The following DPY19L4 variants were observed in gnomAD, a reference collection of about 807,000 sequenced individuals.
The protein encoded by DPY19L4 is probable C-mannosyltransferase DPY19L4.
DPY19L4 carries 97 observed loss-of-function variants against 102.8 expected under a neutral mutation model. That is an observed-to-expected ratio of 0.94 (90% CI 0.80 to 1.12). The LOEUF (loss-of-function observed/expected upper bound fraction) is 1.12, where lower values mean the gene tolerates loss of function less well. Among genes scored for constraint, DPY19L4 ranks in the 50% most tolerant of loss-of-function variants. DPY19L4 has a pLI of 0.00. For missense variants in DPY19L4, 815 were observed against 850.4 expected (o/e 0.96, Z 0.52); for synonymous variants, 252 against 283.1 (o/e 0.89, Z 1.10).
At chr8:94,755,967 A>G (rs1812145770) in intron 6 of DPY19L4, 69 bp from the exon 7 acceptor site, 2 of 1,466,778 alleles carry the variant, frequency 1.4e-6, no homozygotes, top group East Asian at 4.7e-5. Flanking sequence ...GTGTTAAAGT[A>G]CTTTGAAAAG....
intron 3 of DPY19L4, 45 bp from the exon 4 acceptor site, chr8:94,738,318 CAAAAAA>C: frequency 2.3e-6 from 2 of 855,590 alleles, no homozygotes; most frequent in African/African-American, 2.2e-5. Context: ...GACTCTGTCT[CAAAAAA>C]AAAAAAAAAA....
At chr8:94,776,963 CA>C (rs60781801) in intron 13 of DPY19L4, among the ~76,000 whole-genome samples, 1,653 of 94,478 alleles carry the variant, frequency 0.017, 21 homozygotes, top group African/African-American at 0.05. Context: ...GACTCCGCTT[CA>C]AAAAAAAAAA....
intron 1 of DPY19L4, 21 bp downstream of exon 1, chr8:94,720,035 C>G (rs1487637234): frequency 2.0e-6 from 3 of 1,524,058 alleles, no homozygotes; most frequent in Non-Finnish European, 2.6e-6. Flanking sequence ...CGGGGTCCAG[C>G]GCGCCAACGG....
At chr8:94,779,376 G>T (rs556837965) in intron 14 of DPY19L4, among the ~76,000 whole-genome samples, 61 of 150,924 alleles carry the variant, frequency 4.0e-4, no homozygotes, top group Admixed American at 2.0e-3. Flanking sequence ...AGGCTGGAGT[G>T]CAGTGGCACA....
chr8:94,728,143 G>A (rs957581449), intron 2 of DPY19L4, among the ~76,000 whole-genome samples: 2 of 152,104 alleles, frequency 1.3e-5, no homozygotes, highest in African/African-American at 4.8e-5. Flanking sequence ...TGTATTTTTA[G>A]TAGAAACGGG....
At chr8:94,735,065 G>A (rs1266274414) in intron 3 of DPY19L4, among the ~76,000 whole-genome samples, 1 of 152,112 alleles carries the variant, frequency 6.6e-6, no homozygotes, top group East Asian at 1.9e-4. Context: ...AACAATCTGT[G>A]GAAGTTTTAG....
chr8:94,784,812 CTTAT>C (rs1235968130), intron 17 of DPY19L4, among the ~76,000 whole-genome samples: 1 of 152,132 alleles, frequency 6.6e-6, no homozygotes, highest in African/African-American at 2.4e-5. Context: ...TCTATTATTG[CTTAT>C]AAAACACTAA....
chr8:94,781,426 G>T (rs764854630), intron 16 of DPY19L4, among the ~76,000 whole-genome samples: 32 of 152,280 alleles, frequency 2.1e-4, no homozygotes, highest in Non-Finnish European at 3.7e-4. Context: ...GGATAAAAAA[G>T]AAGAGATATC....
intron 2 of DPY19L4, among the ~76,000 whole-genome samples, chr8:94,729,792 C>CT (rs1373341954): frequency 1.3e-5 from 2 of 151,832 alleles, no homozygotes; most frequent in African/African-American, 4.8e-5. Flanking sequence ...GATCACGCCA[C>CT]TGCACTCCAG....
intron 6 of DPY19L4, among the ~76,000 whole-genome samples, chr8:94,752,443 G>A (rs1053332702): frequency 6.0e-5 from 9 of 151,252 alleles, no homozygotes; most frequent in Admixed American, 4.0e-4. Context: ...AAAATTATCC[G>A]GACATGGTGG....
At position 94,790,432 on chromosome 8, in the gene DPY19L4, A is replaced by AT. The variant is rs1813844010; in HGVS notation, c.*523dup. 6.6e-6 allele frequency: 1 copy of AT among 152,584 alleles called. No individual in the cohort carries two copies. The highest frequency in any genetic ancestry group is 1.5e-5 in the Non-Finnish European group (1 of 67,976). The allele number at this position is 152,584 out of a possible 1,614,324, so 9.5% of individuals were successfully genotyped here. A position where few individuals can be genotyped will look rare whatever the true frequency, so the allele number is the denominator to read the frequency against. ...TGGCATTTAAATTAAAATGGAAATT[A>AT]TATAAAGGAAAGTGATTTTTAAGGA... On this transcript the variant is annotated 3_prime_UTR_variant, in exon 19 of 19. Transcript: ENST00000414645.
intron 13 of DPY19L4, among the ~76,000 whole-genome samples, chr8:94,776,614 G>T (rs13271653): frequency 0.12 from 17,198 of 139,392 alleles, 1,134 homozygotes; most frequent in Non-Finnish European, 0.15. Context: ...AGTTTTTTTT[G>T]TTGTTGTTGT....
intron 8 of DPY19L4, 102 bp from the exon 9 acceptor site, chr8:94,765,081 G>C (rs940185878): frequency 3.6e-6 from 3 of 841,450 alleles, no homozygotes; most frequent in Non-Finnish European, 5.3e-6. Context: ...AATTATAGTA[G>C]AGCATTAACT....
intron 6 of DPY19L4, among the ~76,000 whole-genome samples, chr8:94,752,750 CG>C (rs1032888777): frequency 5.3e-5 from 8 of 150,644 alleles, no homozygotes; most frequent in African/African-American, 1.7e-4. Flanking sequence ...CTGCAAGCTC[CG>C]CCACCCCGGT....
intron 17 of DPY19L4, among the ~76,000 whole-genome samples, chr8:94,786,830 G>C (rs1813675518): frequency 6.6e-6 from 1 of 152,210 alleles, no homozygotes; most frequent in African/African-American, 2.4e-5. Context: ...TTACAGGCGT[G>C]AGACACTGCG....
chr8:94,739,455 A>G lies in DPY19L4; in HGVS notation c.386A>G (p.Lys129Arg). The change falls in exon 5 of 19, where the codon AAG (lysine) becomes AGG (arginine). Residue 129 changes from lysine to arginine, a missense_variant. Physicochemically the swap from Lys to Arg is conservative, Grantham distance 26. Transcript: ENST00000414645. ...LTHNNKTVSL[K>R]TINAVQQMSL... is the part of the protein sequence containing the mutation. ...CACAATAACAAAACTGTATCTCTGA[A>G]GACTATAAATGCAGTGCAGCAAATG... The G allele has an allele frequency of 4.4e-6, 7 of 1,600,732 alleles. No homozygotes were observed. Among genetic ancestry groups the G allele is most frequent in the Non-Finnish European group, 6.0e-6 (7 of 1,176,452 alleles).
At chr8:94,742,428 T>C (rs1272582648) in intron 6 of DPY19L4, among the ~76,000 whole-genome samples, 1 of 152,156 alleles carries the variant, frequency 6.6e-6, no homozygotes, top group Non-Finnish European at 1.5e-5. Flanking sequence ...AGTCTTACTC[T>C]GTTGCTTAGG....
At chr8:94,786,956 G>A (rs1220444307) in intron 17 of DPY19L4, among the ~76,000 whole-genome samples, 1 of 152,098 alleles carries the variant, frequency 6.6e-6, no homozygotes, top group African/African-American at 2.4e-5. Flanking sequence ...TTCCCCGAGG[G>A]GACATTTGGC....
Position 94,789,965 on chromosome 8 carries a change from C to G in DPY19L4, c.*55C>G. The G allele has an allele frequency of 6.5e-7, 1 of 1,536,652 alleles. No homozygotes were observed. The highest frequency in any genetic ancestry group is 8.8e-7 in the Non-Finnish European group (1 of 1,135,828). On this transcript the variant is annotated 3_prime_UTR_variant, in exon 19 of 19. Coordinates refer to ENST00000414645, the MANE Select transcript of DPY19L4 (RefSeq NM_181787.3). ...ACCTGAAGTAAAATGCAGTTTTCTT[C>G]TACCTACTCGGTGTCTTTTGCAGAT...
Sources: gnomAD v4.1 joint callset for allele counts (sites outside exome capture counted in the v4.1 genomes callset) on GRCh38, gnomAD v4.1.1 for gene constraint, MANE v1.5 for transcripts, NCBI Gene and HGNC (gene_info 2026-07-23, HGNC 2026-07-21) for gene names.